Variants in CFAP251 observed in about 807,000 individuals in gnomAD.
CFAP251 encodes cilia- and flagella-associated protein 251.
In CFAP251, 93 loss-of-function variants were observed where a neutral mutation model predicts 126.7. That is an observed-to-expected ratio of 0.73 (90% CI 0.62 to 0.87). CFAP251 has a LOEUF of 0.87. CFAP251 is among the 40% of genes least tolerant of loss of function. CFAP251 has a pLI of 0.00. For missense variants in CFAP251, 1,287 were observed against 1,389.2 expected (o/e 0.93, Z 1.17); for synonymous variants, 503 against 506.9 (o/e 0.99, Z 0.10).
At chr12:121,973,242 T>C (rs1479730374) in intron 17 of CFAP251, among the ~76,000 whole-genome samples, 1 of 152,196 alleles carries the variant, frequency 6.6e-6, no homozygotes, top group African/African-American at 2.4e-5. Context: ...GCAGCTTTCA[T>C]GACGTGTTGA....
At chr12:121,927,230 C>A (rs1406021821) in intron 3 of CFAP251, among the ~76,000 whole-genome samples, 1 of 150,344 alleles carries the variant, frequency 6.7e-6, no homozygotes, top group Non-Finnish European at 1.5e-5. Flanking sequence ...TGCATTTCTA[C>A]AAAATGTTTT....
chr12:121,982,360 C>T (rs1341694582), intron 19 of CFAP251, among the ~76,000 whole-genome samples: 4 of 151,662 alleles, frequency 2.6e-5, no homozygotes, highest in Non-Finnish European at 5.9e-5. Flanking sequence ...GCGCACATCA[C>T]CACATCATTC....
In CFAP251 at chr12:121,921,552, G is replaced by GAAGT. The variant is rs770151344; in HGVS notation, c.248_251dup (p.Gln85SerfsTer33). On this transcript the variant is annotated frameshift_variant, in exon 2 of 22. Transcript: ENST00000288912. LOFTEE classifies it high-confidence loss of function. ...GGAAGAAACTGAGGAAAAGGCTGGA[G>GAAGT]AAGTCCAAGAGAAGGAGGCTTCAGG... The GAAGT allele has an allele frequency of 6.2e-7, 1 of 1,614,034 alleles. No homozygotes were observed. The highest frequency in any genetic ancestry group is 2.2e-5 in the East Asian group (1 of 44,864).
intron 20 of CFAP251, among the ~76,000 whole-genome samples, chr12:122,000,984 A>T (rs1016100864): frequency 1.8e-4 from 27 of 150,688 alleles, no homozygotes; most frequent in African/African-American, 6.6e-4. Context: ...TGAGCCCAGG[A>T]GTTCGAGACC....
chr12:121,927,586 C>T (rs143176300), intron 3 of CFAP251, among the ~76,000 whole-genome samples: 7 of 152,286 alleles, frequency 4.6e-5, no homozygotes, highest in Admixed American at 1.3e-4. Context: ...CATGAGCCAC[C>T]GTGCCCAGCC....
intron 16 of CFAP251, 60 bp from the exon 17 acceptor site, chr12:121,967,946 C>T: frequency 6.7e-7 from 1 of 1,490,148 alleles, no homozygotes; most frequent in African/African-American, 1.4e-5. Context: ...GTGAACGTGC[C>T]AGGCCTCTCT....
At chr12:121,945,945 C>T (rs1881309679) in intron 7 of CFAP251, among the ~76,000 whole-genome samples, 4 of 152,144 alleles carry the variant, frequency 2.6e-5, no homozygotes, top group Non-Finnish European at 1.5e-5. Context: ...AGATTACAGG[C>T]GTGAGCCACC....
intron 12 of CFAP251, 61 bp from the exon 13 acceptor site, chr12:121,958,882 G>T: frequency 6.6e-7 from 1 of 1,523,518 alleles, no homozygotes. Context: ...GCCTGGCACA[G>T]ACTCAACATC....
chr12:121,943,209 A>G (rs1394144197), intron 7 of CFAP251, among the ~76,000 whole-genome samples: 1 of 152,058 alleles, frequency 6.6e-6, no homozygotes, highest in African/African-American at 2.4e-5. Flanking sequence ...GCTACTTGGA[A>G]GACTGAGGCA....
At chr12:121,984,819 T>G (rs1319397589) in intron 19 of CFAP251, among the ~76,000 whole-genome samples, 1 of 152,200 alleles carries the variant, frequency 6.6e-6, no homozygotes, top group African/African-American at 2.4e-5. Context: ...GCAACTTCAC[T>G]TCTTTTTAGC....
At chr12:121,984,107 A>G (rs963088262) in intron 19 of CFAP251, among the ~76,000 whole-genome samples, 1 of 152,182 alleles carries the variant, frequency 6.6e-6, no homozygotes, top group Non-Finnish European at 1.5e-5. Context: ...CATTATTGAT[A>G]TCTTTCTTAC....
chr12:121,995,779 C>G (rs925975443), intron 19 of CFAP251, among the ~76,000 whole-genome samples: 1 of 152,152 alleles, frequency 6.6e-6, no homozygotes, highest in Non-Finnish European at 1.5e-5. Context: ...AGCCACCATG[C>G]CTGACCTGGA....
chr12:121,958,302 G>A lies in CFAP251; in HGVS notation c.1761G>A (p.Ala587=), dbSNP rs775426892. Residue 587 remains alanine, a synonymous_variant, in exon 12 of 22, where the codon GCG becomes GCA. Transcript: ENST00000288912. ...RNFIIGTSDA[A]VYHLTTDGTK... The stretch of plus-strand genomic sequence containing the variant: ...TTATCATTGGAACATCTGATGCCGC[G>A]GTGTACCACTTAACAACAGATGGGA... 1.8e-5 allele frequency: 29 copies of A among 1,613,980 alleles called. No individual in the cohort carries two copies. Among genetic ancestry groups the A allele is most frequent in the South Asian group, 6.6e-5 (6 of 91,068 alleles).
rs897037660 is a variant in CFAP251 at position 121,937,952 on chromosome 12, A to G, written c.998+3596A>G. ...CGTGTCCTTTCTATGGCGGAATCAC[A>G]GTACATTGTATGGATAGATCAAACA... On this transcript the variant is annotated intron_variant, in intron 5 of 21. Coordinates refer to ENST00000288912, the MANE Select transcript of CFAP251 (RefSeq NM_144668.6). Among the ~76,000 whole-genome samples, 3 of 152,312 alleles carry G rather than the reference A, an allele frequency of 2.0e-5. No homozygotes were observed. In the South Asian group the frequency reaches 6.2e-4, roughly 32 times the overall value.
chr12:121,968,051 T>A lies in CFAP251; in HGVS notation c.2653T>A (p.Ser885Thr). The stretch of plus-strand genomic sequence containing the variant: ...AGTTGACGGCAATCCACATAAGACA[T>A]CTGCTATTGTTTGCCACCCGAACGG... Reference protein sequence around the residue: ...LPVDGNPHKTSAIVCHPNGVA... With the variant: ...LPVDGNPHKTTAIVCHPNGVA... Residue 885 changes from serine (S) to threonine (T), a missense_variant, in exon 17 of 22, where the codon TCT becomes ACT. Physicochemically the swap from Ser to Thr is moderately conservative, Grantham distance 58 (BLOSUM62 1). Transcript: ENST00000288912. 1 of 1,613,138 alleles carries A rather than the reference T, an allele frequency of 6.2e-7. No homozygotes were observed. Among genetic ancestry groups the A allele is most frequent in the Non-Finnish European group, 8.5e-7 (1 of 1,179,236 alleles).
At chr12:121,927,990 C>G (rs1880486918) in intron 3 of CFAP251, among the ~76,000 whole-genome samples, 1 of 152,190 alleles carries the variant, frequency 6.6e-6, no homozygotes, top group Admixed American at 6.5e-5. Flanking sequence ...AAAACTTCTG[C>G]AAAACACGAT....
rs763677936 is a variant in CFAP251 at position 121,999,934 on chromosome 12, C to T, written c.3225C>T (p.Leu1075=). 107 of 1,612,558 alleles carry T rather than the reference C, an allele frequency of 6.6e-5. No homozygotes were observed. The highest frequency in any genetic ancestry group is 8.1e-5 in the Non-Finnish European group (96 of 1,178,868). ...AIRREDFLRL[L]VTKGEHMTEE... is the part of the protein sequence containing the mutation. ...GAAGAGAGGACTTCCTGAGACTGCTCGTTACTAAAGGTAAGCACATACATC... is the reference window on the plus strand; with the variant it reads ...GAAGAGAGGACTTCCTGAGACTGCTTGTTACTAAAGGTAAGCACATACATC... The change falls in exon 20 of 22, where the codon CTC becomes CTT. Residue 1075 remains leucine, a synonymous_variant. Transcript: ENST00000288912.
intron 1 of CFAP251, among the ~76,000 whole-genome samples, chr12:121,920,270 C>T (rs986128465): frequency 1.4e-5 from 2 of 139,916 alleles, no homozygotes; most frequent in Admixed American, 1.4e-4. Context: ...CTCTGTTGCC[C>T]AGGCTGGACT....
chr12:121,971,340 C>T (rs1429927727), intron 17 of CFAP251, among the ~76,000 whole-genome samples: 1 of 152,214 alleles, frequency 6.6e-6, no homozygotes, highest in Non-Finnish European at 1.5e-5. Flanking sequence ...CTGGAGAATA[C>T]CCAGGTTCCT....
Sources: gnomAD v4.1 joint callset for allele counts (sites outside exome capture counted in the v4.1 genomes callset) on GRCh38, gnomAD v4.1.1 for gene constraint, MANE v1.5 for transcripts, NCBI Gene and HGNC (gene_info 2026-07-23, HGNC 2026-07-21) for gene names.